LINGO2: variants seen among roughly 807,000 people sequenced by gnomAD.
The protein encoded by LINGO2 is leucine rich repeat and Ig domain containing 2.
LINGO2 carries 14 observed loss-of-function variants against 30.6 expected under a neutral mutation model. The ratio of observed to expected loss-of-function variants is 0.46; its 90% CI spans 0.30 to 0.72. The LOEUF (loss-of-function observed/expected upper bound fraction) is 0.72. LINGO2 is among the 30% of genes least tolerant of loss of function. LINGO2 has a pLI of 0.07. For synonymous variants in LINGO2, 317 were observed against 288.5 expected, an observed-to-expected ratio of 1.10 and a Z score of -1.00; for missense variants, 729 against 751.7, an observed-to-expected ratio of 0.97 and a Z score of 0.35.
At chr9:28,942,799 G>T in the LINGO2 span, among the ~76,000 whole-genome samples, 1 of 152,088 alleles carries the variant, frequency 6.6e-6, no homozygotes, top group South Asian at 2.1e-4. Flanking sequence ...GTGAGCAAAT[G>T]GGGGGCTACT....
intron 4 of LINGO2, among the ~76,000 whole-genome samples, chr9:28,264,007 T>C (rs573130503): frequency 6.6e-6 from 1 of 152,004 alleles, no homozygotes; most frequent in African/African-American, 2.4e-5. Context: ...CTCTTTCTAA[T>C]AGTGAGGATA....
At chr9:28,733,640 G>A in the LINGO2 span, among the ~76,000 whole-genome samples, 1 of 152,030 alleles carries the variant, frequency 6.6e-6, no homozygotes. Context: ...GTGTCACTAG[G>A]GTTGCGTTAA....
intron 4 of LINGO2, chr9:28,012,507 C>G (rs1218368774): frequency 2.0e-5 from 3 of 152,060 alleles, no homozygotes; most frequent in Non-Finnish European, 2.9e-5. Context: ...AAGGTCCATT[C>G]AACGGCAGTG....
the LINGO2 span, among the ~76,000 whole-genome samples, chr9:29,025,161 C>T: frequency 6.8e-6 from 1 of 147,636 alleles, no homozygotes; most frequent in African/African-American, 2.5e-5. Context: ...GAGAAAAAAA[C>T]AGAAAAAAAA....
rs562265973 is a variant in LINGO2 at position 28,023,975 on chromosome 9, C to T, written c.-86-11570G>A. 1.2e-4 allele frequency among the ~76,000 whole-genome samples: 19 copies of T among 152,226 alleles called. No individual in the cohort carries two copies. In the South Asian group the frequency reaches 2.1e-3, roughly 17 times the overall value. Reference sequence around the variant, plus strand: ...TCCAGGGAAGCGAATTTCATTTTTGCGTCTCTGGATTCACCTTTCTGTTTA... The same window carrying T: ...TCCAGGGAAGCGAATTTCATTTTTGTGTCTCTGGATTCACCTTTCTGTTTA... On this transcript the variant is annotated intron_variant, in intron 4 of 5. Coordinates refer to ENST00000379992, the Ensembl canonical transcript of LINGO2.
At chr9:28,626,717 G>C (rs774178363) in intron 1 of LINGO2, among the ~76,000 whole-genome samples, 9 of 151,790 alleles carry the variant, frequency 5.9e-5, no homozygotes, top group Non-Finnish European at 1.2e-4. Flanking sequence ...CTCCAATTTA[G>C]ATAGTTCCTA....
chr9:29,104,524 C>G, the LINGO2 span, among the ~76,000 whole-genome samples: 1 of 152,014 alleles, frequency 6.6e-6, no homozygotes, highest in African/African-American at 2.4e-5. Flanking sequence ...TATAAATTAC[C>G]CAGTCTCGGG....
the LINGO2 span, among the ~76,000 whole-genome samples, chr9:28,895,529 T>A: frequency 2.0e-5 from 3 of 152,274 alleles, no homozygotes; most frequent in East Asian, 5.8e-4. Flanking sequence ...TCCAAAAAAT[T>A]ACGTAATCTT....
the LINGO2 span, among the ~76,000 whole-genome samples, chr9:28,824,475 T>C: frequency 6.6e-6 from 1 of 152,190 alleles, no homozygotes; most frequent in Non-Finnish European, 1.5e-5. Flanking sequence ...GTCATTTTAC[T>C]GAGTTTTGTA....
At chr9:28,886,472 T>G in the LINGO2 span, among the ~76,000 whole-genome samples, 1 of 152,162 alleles carries the variant, frequency 6.6e-6, no homozygotes, top group Non-Finnish European at 1.5e-5. Context: ...ACAGGGCTAC[T>G]CCTTGGATTT....
intron 1 of LINGO2, among the ~76,000 whole-genome samples, chr9:28,505,144 T>C (rs1458048145): frequency 6.6e-6 from 1 of 151,938 alleles, no homozygotes; most frequent in African/African-American, 2.4e-5. Flanking sequence ...TAACCAACTA[T>C]AATGATTTGG....
In LINGO2 at chr9:28,165,218, C is replaced by T. The variant is rs141509641; in HGVS notation, c.-87+129990G>A. Among the ~76,000 whole-genome samples, 294 of 152,284 alleles carry T rather than the reference C, an allele frequency of 1.9e-3. 4 individuals carry two copies. The South Asian group carries it at 0.041, about 21-fold the overall frequency. On this transcript the variant is annotated intron_variant, in intron 4 of 5. Coordinates refer to ENST00000379992, the Ensembl canonical transcript of LINGO2. ...CAACATTTACAATTCCTTTAAAGAA[C>T]ATTGTTTTTAATGAATCATTTGTTC...
the LINGO2 span, among the ~76,000 whole-genome samples, chr9:29,055,188 C>T: frequency 8.9e-5 from 13 of 146,550 alleles, no homozygotes; most frequent in Non-Finnish European, 1.6e-4. Flanking sequence ...CACTGCACTC[C>T]AGCCTGGGCA....
intron 4 of LINGO2, among the ~76,000 whole-genome samples, chr9:28,179,590 A>T (rs1254478146): frequency 7.8e-6 from 1 of 128,764 alleles, no homozygotes; most frequent in Non-Finnish European, 1.6e-5. Context: ...AGTATTTTAT[A>T]CTATATATAC....
At chr9:28,475,578 A>C (rs1825699959) in intron 2 of LINGO2, among the ~76,000 whole-genome samples, 1 of 152,208 alleles carries the variant, frequency 6.6e-6, no homozygotes, top group South Asian at 2.1e-4. Context: ...TTATATCTTT[A>C]AGCTCTTTAT....
chr9:28,726,535 C>T, the LINGO2 span, among the ~76,000 whole-genome samples: 1 of 151,956 alleles, frequency 6.6e-6, no homozygotes, highest in Non-Finnish European at 1.5e-5. Flanking sequence ...CTGAATATTG[C>T]CTGTAAATGG....
chr9:28,106,652 C>T (rs964548800), intron 4 of LINGO2, among the ~76,000 whole-genome samples: 4 of 152,122 alleles, frequency 2.6e-5, no homozygotes, highest in African/African-American at 9.7e-5. Flanking sequence ...CCTCATCCCA[C>T]CACCCACCAT....
At chr9:28,145,410 A>G (rs58384104) in intron 4 of LINGO2, among the ~76,000 whole-genome samples, 1,638 of 152,350 alleles carry the variant, frequency 0.011, 27 homozygotes, top group African/African-American at 0.037. Flanking sequence ...AGCCTATAAA[A>G]TAATATGTTT....
intron 1 of LINGO2, among the ~76,000 whole-genome samples, chr9:28,621,565 T>C (rs1226656734): frequency 6.6e-6 from 1 of 152,044 alleles, no homozygotes; most frequent in African/African-American, 2.4e-5. Flanking sequence ...TACTCATATA[T>C]ATGGATTATT....
Sources: allele counts gnomAD v4.1 joint callset (sites outside exome capture counted in the v4.1 genomes callset), GRCh38; gene constraint gnomAD v4.1.1; transcripts MANE v1.5; gene names NCBI Gene and HGNC (gene_info 2026-07-23, HGNC 2026-07-21).